Variants in POT1 observed in about 807,000 individuals in gnomAD.
POT1 encodes the protein protection of telomeres 1.
POT1 carries 47 observed loss-of-function variants against 78.5 expected under a neutral mutation model. That is an observed-to-expected ratio of 0.60 (90% CI 0.47 to 0.76). The LOEUF (loss-of-function observed/expected upper bound fraction) is 0.76, where lower values mean the gene tolerates loss of function less well. Ranked by LOEUF, POT1 falls within the 30% of genes least tolerant of loss-of-function variation. The probability of loss-of-function intolerance (pLI) is 0.00; values close to 1 mark genes in which losing one functional copy is unlikely to be tolerated. For missense variants in POT1, 646 were observed against 749.9 expected (o/e 0.86, Z 1.62); for synonymous variants, 259 against 260.7 (o/e 0.99, Z 0.06).
intron 6 of POT1, among the ~76,000 whole-genome samples, chr7:124,885,714 T>C (rs1432777641): frequency 4.0e-5 from 6 of 151,862 alleles, no homozygotes; most frequent in Non-Finnish European, 8.8e-5. Context: ...TGCAGTGAGC[T>C]AAGATCATGC....
chr7:124,927,481 T>C (rs1336170563), intron 2 of POT1, among the ~76,000 whole-genome samples: 1 of 152,178 alleles, frequency 6.6e-6, no homozygotes, highest in Non-Finnish European at 1.5e-5. Flanking sequence ...ATACAAAGCA[T>C]TTAGGAGAGT....
chr7:124,838,426 G>A (rs893498568), intron 14 of POT1, among the ~76,000 whole-genome samples: 7 of 151,904 alleles, frequency 4.6e-5, no homozygotes, highest in African/African-American at 4.8e-5. Context: ...AAAATACTTA[G>A]ATATAAAGCT....
chr7:124,877,483 A>G (rs905202370), intron 6 of POT1, among the ~76,000 whole-genome samples: 1 of 152,000 alleles, frequency 6.6e-6, no homozygotes, highest in Non-Finnish European at 1.5e-5. Context: ...CCTAGCAAAC[A>G]ACTACTCTAG....
In POT1 at chr7:124,923,048, G is replaced by A. The variant is rs148157631; in HGVS notation, c.-227+5767C>T. ...TACAAATGCAATTTCAAAAAAAATAGAACAAGCAATTGCTACACTAGATGC... is the reference window on the plus strand; with the variant it reads ...TACAAATGCAATTTCAAAAAAAATAAAACAAGCAATTGCTACACTAGATGC... On this transcript the variant is annotated intron_variant, in intron 2 of 18. Transcript: ENST00000357628. Among the ~76,000 whole-genome samples, 6 of 150,488 alleles carry A rather than the reference G, an allele frequency of 4.0e-5. No homozygotes were observed. The East Asian group carries it at 9.8e-4, about 24-fold the overall frequency.
intron 16 of POT1, chr7:124,828,801 TG>T: frequency 2.2e-6 from 1 of 445,738 alleles, no homozygotes; most frequent in East Asian, 6.4e-5. Context: ...AAACATGAGA[TG>T]GCTGTATCAA....
At chr7:124,889,734 A>G (rs1366498589) in intron 6 of POT1, among the ~76,000 whole-genome samples, 1 of 152,030 alleles carries the variant, frequency 6.6e-6, no homozygotes, top group Non-Finnish European at 1.5e-5. Context: ...CTTTAATGAA[A>G]CAACAAAGCC....
Position 124,871,057 on chromosome 7 carries a change from A to G in POT1, c.125-16T>C, listed in dbSNP as rs1349693683. 4 of 1,553,582 alleles carry G rather than the reference A, an allele frequency of 2.6e-6. No homozygotes were observed. Among genetic ancestry groups the G allele is most frequent in the African/African-American group, 2.8e-5 (2 of 72,474 alleles). On this transcript the variant is annotated splice_polypyrimidine_tract_variant and intron_variant, in intron 6 of 18. Coordinates refer to ENST00000357628, the MANE Select transcript of POT1 (RefSeq NM_015450.3). ...GAGCAATAATCTGGAAAACACAAAAATATTTTACCTGACTTTCAATATTTT... is the reference window on the plus strand; with the variant it reads ...GAGCAATAATCTGGAAAACACAAAAGTATTTTACCTGACTTTCAATATTTT...
chr7:124,853,188 C>G (rs1795357977), intron 9 of POT1, 50 bp from the exon 10 acceptor site: 5 of 1,383,362 alleles, frequency 3.6e-6, no homozygotes, highest in Non-Finnish European at 5.0e-6. Context: ...AATTAAAATA[C>G]TTCTGATATT....
intron 12 of POT1, chr7:124,843,286 T>C (rs1462214643): frequency 5.7e-6 from 1 of 174,058 alleles, no homozygotes; most frequent in Non-Finnish European, 1.2e-5. Context: ...GGCAACCGTT[T>C]AAGTTCTAAC....
intron 7 of POT1, among the ~76,000 whole-genome samples, chr7:124,869,696 C>A (rs1795821118): frequency 6.6e-6 from 1 of 152,158 alleles, no homozygotes; most frequent in Non-Finnish European, 1.5e-5. Flanking sequence ...GATTCTCCTG[C>A]CTCAGCCTCC....
At chr7:124,870,887 A>T (rs753414879) in intron 7 of POT1, 24 bp downstream of exon 7, 1 of 1,540,368 alleles carries the variant, frequency 6.5e-7, no homozygotes, top group Admixed American at 2.0e-5. Flanking sequence ...AATAAATATA[A>T]GTTCTAGACA....
chr7:124,861,604 T>C (rs990705943), intron 8 of POT1, among the ~76,000 whole-genome samples: 1 of 152,164 alleles, frequency 6.6e-6, no homozygotes, highest in African/African-American at 2.4e-5. Flanking sequence ...TCTTTAACTT[T>C]GTCAATTTTG....
intron 9 of POT1, among the ~76,000 whole-genome samples, chr7:124,855,206 CAGAG>C (rs1795415012): frequency 1.2e-5 from 1 of 85,136 alleles, no homozygotes; most frequent in Non-Finnish European, 2.1e-5. Flanking sequence ...TATGGAGACA[CAGAG>C]AGGAGAGCAA....
chr7:124,863,238 T>C, intron 8 of POT1, 112 bp downstream of exon 8: 1 of 1,035,392 alleles, frequency 9.7e-7, no homozygotes, highest in Non-Finnish European at 1.4e-6. Context: ...AAAATTTAAG[T>C]TCCTAGTATA....
chr7:124,844,112 T>C (rs10085793), intron 12 of POT1, among the ~76,000 whole-genome samples: 59,189 of 148,482 alleles, frequency 0.4, 11,919 homozygotes, highest in East Asian at 0.5. Flanking sequence ...CATTTTGTTG[T>C]GGTGGCGATT....
At chr7:124,828,021 AG>A (rs1794672321) in intron 16 of POT1, among the ~76,000 whole-genome samples, 1 of 152,168 alleles carries the variant, frequency 6.6e-6, no homozygotes, top group Non-Finnish European at 1.5e-5. Context: ...CGACAGAGTA[AG>A]GCTCTGTCTC....
chr7:124,891,829 G>A (rs2116628198), intron 6 of POT1, among the ~76,000 whole-genome samples: 1 of 151,496 alleles, frequency 6.6e-6, no homozygotes, highest in African/African-American at 2.4e-5. Context: ...TCATGTTACT[G>A]ACGTCATAAT....
intron 12 of POT1, among the ~76,000 whole-genome samples, chr7:124,844,236 C>G (rs1795104614): frequency 1.3e-5 from 2 of 149,590 alleles, no homozygotes; most frequent in Non-Finnish European, 3.0e-5. Context: ...TCAAGCGATT[C>G]TCCTGCCTCA....
chr7:124,844,329 A>T (rs541611467), intron 12 of POT1, among the ~76,000 whole-genome samples: 32 of 151,408 alleles, frequency 2.1e-4, no homozygotes, highest in Non-Finnish European at 4.0e-4. Flanking sequence ...GGGTTTCTCC[A>T]TGTTGGTCAG....
Sources: gnomAD v4.1 joint callset for allele counts (sites outside exome capture counted in the v4.1 genomes callset) on GRCh38, gnomAD v4.1.1 for gene constraint, MANE v1.5 for transcripts, NCBI Gene and HGNC (gene_info 2026-07-23, HGNC 2026-07-21) for gene names.